CCDC3: variants seen among roughly 807,000 people sequenced by gnomAD.
CCDC3 encodes coiled-coil domain-containing protein 3.
Under a neutral mutation model 21.4 loss-of-function variants are expected in CCDC3, and 24 were observed. The ratio of observed to expected loss-of-function variants is 1.12; its 90% confidence interval spans 0.81 to 1.58. The LOEUF (loss-of-function observed/expected upper bound fraction) is 1.58, where lower values mean the gene tolerates loss of function less well. Ranked by LOEUF, CCDC3 falls within the 40% of genes most tolerant of loss-of-function variation. The probability of loss-of-function intolerance (pLI) is 0.00; values close to 1 mark genes in which losing one functional copy is unlikely to be tolerated. For missense variants in CCDC3, 425 were observed against 360.9 expected (o/e 1.18, Z -1.44); for synonymous variants, 186 against 166.0 (o/e 1.12, Z -0.93).
intron 2 of CCDC3, among the ~76,000 whole-genome samples, chr10:12,979,218 G>T (rs1262934415): frequency 1.3e-5 from 2 of 152,104 alleles, no homozygotes; most frequent in Non-Finnish European, 2.9e-5. Context: ...ACAAGGGCAA[G>T]ACCAGACATC....
At chr10:13,049,245 T>C (rs1836571863) in intron 5 of CCDC3, among the ~76,000 whole-genome samples, 1 of 152,216 alleles carries the variant, frequency 6.6e-6, no homozygotes, top group Non-Finnish European at 1.5e-5. Context: ...CCATCCTTGA[T>C]TGCAGCTCAA....
intron 2 of CCDC3, among the ~76,000 whole-genome samples, chr10:12,964,202 G>A (rs1024307106): frequency 6.6e-6 from 1 of 151,860 alleles, no homozygotes; most frequent in Admixed American, 6.6e-5. Flanking sequence ...GAGAAACCCC[G>A]GTTCTACTAA....
chr10:12,983,295 G>A (rs1215776319), intron 2 of CCDC3, among the ~76,000 whole-genome samples: 5 of 151,222 alleles, frequency 3.3e-5, no homozygotes, highest in Non-Finnish European at 5.9e-5. Context: ...GAAAACAGCA[G>A]GGAGTGGTGG....
At chr10:13,066,353 G>A (rs570583020) in intron 4 of CCDC3, among the ~76,000 whole-genome samples, 2 of 152,310 alleles carry the variant, frequency 1.3e-5, no homozygotes, top group South Asian at 2.1e-4. Flanking sequence ...ACAAATTTGA[G>A]AGCCACTGGT....
chr10:13,092,124 G>T (rs73573889), intron 3 of CCDC3, among the ~76,000 whole-genome samples: 6 of 152,166 alleles, frequency 3.9e-5, no homozygotes, highest in African/African-American at 1.4e-4. Context: ...AAGAAAGTTC[G>T]CTTGAGCCAA....
chr10:13,001,435 C>T lies in CCDC3; in HGVS notation c.136G>A (p.Ala46Thr). 1.3e-6 allele frequency: 2 copies of T among 1,517,930 alleles called. No individual in the cohort carries two copies. Among genetic ancestry groups the T allele is most frequent in the Non-Finnish European group, 1.8e-6 (2 of 1,130,808 alleles). The allele number at this position is 1,517,930 out of a possible 1,614,324, so 94.0% of individuals were successfully genotyped here. ...TCGGGGTGCAGCGCCAGCACCCTGG[C>T]GTACACGATGGTCTCGGCCAGCTCG... ...RAELAETIVY[A>T]RVLALHPEAP... Residue 46 changes from alanine (A) to threonine (T), a missense_variant, in exon 1 of 3, where the codon GCC (alanine) becomes ACC (threonine). By Grantham distance (58) the Ala-to-Thr change is moderately conservative (BLOSUM62 0). Transcript: ENST00000378825.
intron 2 of CCDC3, among the ~76,000 whole-genome samples, chr10:12,921,809 A>G (rs182768882): frequency 6.6e-6 from 1 of 152,290 alleles, no homozygotes; most frequent in African/African-American, 2.4e-5. Context: ...TGGCCCAATC[A>G]TGGCTCACTG....
At chr10:12,936,742 T>C (rs931003650) in intron 2 of CCDC3, among the ~76,000 whole-genome samples, 1 of 152,122 alleles carries the variant, frequency 6.6e-6, no homozygotes, top group Non-Finnish European at 1.5e-5. Flanking sequence ...CCCCCATCTG[T>C]GCAAAAAAAT....
intron 4 of CCDC3, among the ~76,000 whole-genome samples, chr10:13,057,117 AC>A (rs1395708434): frequency 6.6e-6 from 1 of 151,558 alleles, no homozygotes; most frequent in Non-Finnish European, 1.5e-5. Context: ...CAACAGCAAG[AC>A]CCCATCTCTA....
At chr10:13,010,379 C>T (rs1170614461) in intron 5 of CCDC3, among the ~76,000 whole-genome samples, 2 of 152,132 alleles carry the variant, frequency 1.3e-5, no homozygotes, top group African/African-American at 4.8e-5. Flanking sequence ...AAAAAACGCT[C>T]AAAGTCATTA....
At chr10:12,929,261 C>CAAAA (rs10609537) in intron 2 of CCDC3, among the ~76,000 whole-genome samples, 3 of 104,572 alleles carry the variant, frequency 2.9e-5, no homozygotes, top group Non-Finnish European at 5.7e-5. Context: ...GATTCCATCT[C>CAAAA]AAAAAAAAAA....
chr10:12,964,006 G>A (rs1564300894), intron 2 of CCDC3, among the ~76,000 whole-genome samples: 1 of 152,188 alleles, frequency 6.6e-6, no homozygotes, highest in Non-Finnish European at 1.5e-5. Flanking sequence ...GTACAAGTCA[G>A]TGATACAACT....
intron 2 of CCDC3, among the ~76,000 whole-genome samples, chr10:12,931,093 C>G (rs1013856151): frequency 2.6e-5 from 4 of 151,660 alleles, no homozygotes; most frequent in African/African-American, 9.7e-5. Context: ...CGGCTGTAAT[C>G]CCAGCTACCT....
intron 2 of CCDC3, among the ~76,000 whole-genome samples, chr10:12,967,099 C>CCT (rs1435094842): frequency 2.0e-5 from 3 of 152,160 alleles, no homozygotes; most frequent in African/African-American, 7.2e-5. Context: ...AAACCATGCC[C>CCT]CTCTCCACCT....
chr10:12,917,191 T>C (rs1332999577), intron 2 of CCDC3, among the ~76,000 whole-genome samples: 1,526 of 117,458 alleles, frequency 0.013, 31 homozygotes, highest in Admixed American at 0.021. Context: ...TTTTTTTTTT[T>C]TTTTTTTTTT....
At chr10:12,956,629 G>C (rs1835090915) in intron 2 of CCDC3, among the ~76,000 whole-genome samples, 1 of 152,202 alleles carries the variant, frequency 6.6e-6, no homozygotes, top group South Asian at 2.1e-4. Context: ...GGCAGGTAAT[G>C]TAATCTGGCC....
At chr10:13,067,958 G>C (rs1357626694) in intron 4 of CCDC3, among the ~76,000 whole-genome samples, 1 of 152,122 alleles carries the variant, frequency 6.6e-6, no homozygotes, top group African/African-American at 2.4e-5. Context: ...CTCTTTGCTG[G>C]AAAAGGGCTT....
chr10:12,986,455 C>A (rs1439982773), intron 2 of CCDC3, among the ~76,000 whole-genome samples: 4 of 152,054 alleles, frequency 2.6e-5, no homozygotes, highest in Non-Finnish European at 5.9e-5. Flanking sequence ...AAGATTATTC[C>A]AAAATAAAAT....
intron 2 of CCDC3, among the ~76,000 whole-genome samples, chr10:12,996,091 G>A (rs1426829864): frequency 6.6e-6 from 1 of 152,154 alleles, no homozygotes; most frequent in African/African-American, 2.4e-5. Context: ...AAAAGCCTTC[G>A]CTTGGAAGAA....
Sources: allele counts gnomAD v4.1 joint callset (sites outside exome capture counted in the v4.1 genomes callset), GRCh38; gene constraint gnomAD v4.1.1; transcripts MANE v1.5; gene names NCBI Gene and HGNC (gene_info 2026-07-23, HGNC 2026-07-21).